The following GALNT13 variants were observed in gnomAD, a reference collection of about 807,000 sequenced individuals.
GALNT13 encodes the protein polypeptide N-acetylgalactosaminyltransferase 13, also known as UDP-GalNAc:polypeptide N-acetylgalactosaminyltransferase 13.
GALNT13 carries 28 observed loss-of-function variants against 64.2 expected under a neutral mutation model. The ratio of observed to expected loss-of-function variants is 0.44; its 90% CI spans 0.32 to 0.60. The LOEUF (loss-of-function observed/expected upper bound fraction) is 0.60, where lower values mean the gene tolerates loss of function less well. Among genes scored for constraint, GALNT13 ranks in the 20% least tolerant of loss-of-function variants. GALNT13 has a pLI of 0.05. For missense variants in GALNT13, 577 were observed against 669.8 expected, an observed-to-expected ratio of 0.86 and a Z score of 1.53; for synonymous variants, 214 against 224.6, an observed-to-expected ratio of 0.95 and a Z score of 0.42.
chr2:153,360,020 G>T, the GALNT13 span, among the ~76,000 whole-genome samples: 1 of 152,216 alleles, frequency 6.6e-6, no homozygotes, highest in Non-Finnish European at 1.5e-5. Flanking sequence ...TCAGCTAGAA[G>T]CAGCAGTGAT....
intron 1 of GALNT13, among the ~76,000 whole-genome samples, chr2:153,876,232 C>CACACACACACAT (rs1166052542): frequency 6.6e-6 from 1 of 151,742 alleles, no homozygotes; most frequent in African/African-American, 2.4e-5. Context: ...CACACACACA[C>CACACACACACAT]ACATACACAC....
the GALNT13 span, among the ~76,000 whole-genome samples, chr2:153,742,479 A>G: frequency 6.6e-6 from 1 of 152,270 alleles, no homozygotes; most frequent in African/African-American, 2.4e-5. Context: ...CAATGCATAT[A>G]CATAGAATGG....
At chr2:153,758,848 T>A in the GALNT13 span, among the ~76,000 whole-genome samples, 1 of 152,194 alleles carries the variant, frequency 6.6e-6, no homozygotes, top group African/African-American at 2.4e-5. Context: ...CATGTCAGCT[T>A]CCCAAAGTGC....
the GALNT13 span, among the ~76,000 whole-genome samples, chr2:153,631,873 G>C: frequency 6.6e-6 from 1 of 152,128 alleles, no homozygotes; most frequent in Non-Finnish European, 1.5e-5. Context: ...TAAATATGAA[G>C]TCCTTGCCCA....
the GALNT13 span, among the ~76,000 whole-genome samples, chr2:153,240,314 C>A: frequency 3.3e-4 from 50 of 152,196 alleles, no homozygotes; most frequent in African/African-American, 1.2e-3. Flanking sequence ...TCTCACATGG[C>A]TGGCTCTGTG....
chr2:153,307,690 A>C, the GALNT13 span, among the ~76,000 whole-genome samples: 1 of 152,138 alleles, frequency 6.6e-6, no homozygotes, highest in African/African-American at 2.4e-5. Flanking sequence ...TGACAAAAGT[A>C]ATTAAAAAAT....
At chr2:153,684,081 T>C in the GALNT13 span, among the ~76,000 whole-genome samples, 2 of 151,132 alleles carry the variant, frequency 1.3e-5, no homozygotes, top group African/African-American at 2.4e-5. Flanking sequence ...TATATATATA[T>C]ATATATATAT....
intron 3 of GALNT13, among the ~76,000 whole-genome samples, chr2:154,072,062 T>C (rs1700765114): frequency 6.6e-6 from 1 of 152,144 alleles, no homozygotes; most frequent in South Asian, 2.1e-4. Context: ...CTGAGCTGTA[T>C]ATGAAGTTGC....
At chr2:153,332,958 A>G in the GALNT13 span, among the ~76,000 whole-genome samples, 2 of 152,322 alleles carry the variant, frequency 1.3e-5, no homozygotes, top group African/African-American at 4.8e-5. Flanking sequence ...CACTGCAGCT[A>G]TAGCAGTTGT....
chr2:153,977,862 A>T (rs1037261021), intron 3 of GALNT13, among the ~76,000 whole-genome samples: 1 of 152,112 alleles, frequency 6.6e-6, no homozygotes, highest in African/African-American at 2.4e-5. Flanking sequence ...TCTTCTCAAG[A>T]CTATACTCAT....
the GALNT13 span, among the ~76,000 whole-genome samples, chr2:153,410,656 A>G: frequency 1.3e-5 from 2 of 152,174 alleles, no homozygotes; most frequent in Admixed American, 1.3e-4. Context: ...TTGTTAAAAA[A>G]GTTTTTCTAA....
chr2:153,334,920 C>T, the GALNT13 span, among the ~76,000 whole-genome samples: 8 of 152,202 alleles, frequency 5.3e-5, no homozygotes, highest in African/African-American at 1.9e-4. Context: ...ATTGTATCTC[C>T]CAGAATTCTG....
At position 154,451,280 on chromosome 2, in the gene GALNT13, A is replaced by G. The variant is rs1701861865; in HGVS notation, c.*729A>G. ...GTGAGAGAACTCAAAGTGGGTTGCAATCATTCCTAACACAGGCTGAAACTA... is the reference window on the plus strand; with the variant it reads ...GTGAGAGAACTCAAAGTGGGTTGCAGTCATTCCTAACACAGGCTGAAACTA... On this transcript the variant is annotated 3_prime_UTR_variant, in exon 13 of 13. Transcript: ENST00000392825. 1.3e-5 allele frequency: 2 copies of G among 152,108 alleles called. No individual in the cohort carries two copies. Among genetic ancestry groups the G allele is most frequent in the African/African-American group, 4.8e-5 (2 of 41,436 alleles). The allele number at this position is 152,108 out of a possible 1,614,324, so 9.4% of individuals were successfully genotyped here.
the GALNT13 span, among the ~76,000 whole-genome samples, chr2:153,797,367 C>A: frequency 2.0e-5 from 3 of 152,184 alleles, no homozygotes; most frequent in Admixed American, 6.5e-5. Context: ...TCTTAGTCTT[C>A]TTTAAGGTGT....
intron 4 of GALNT13, among the ~76,000 whole-genome samples, chr2:154,229,278 C>G (rs1428799632): frequency 6.6e-6 from 1 of 152,032 alleles, no homozygotes; most frequent in Non-Finnish European, 1.5e-5. Context: ...CTACATCTTT[C>G]TTCAAGATTG....
At chr2:153,461,050 G>C in the GALNT13 span, among the ~76,000 whole-genome samples, 1 of 152,066 alleles carries the variant, frequency 6.6e-6, no homozygotes, top group Non-Finnish European at 1.5e-5. Flanking sequence ...GCAATATTTA[G>C]TAATATTTAA....
At chr2:153,094,796 C>T in the GALNT13 span, among the ~76,000 whole-genome samples, 2 of 152,068 alleles carry the variant, frequency 1.3e-5, no homozygotes, top group South Asian at 4.2e-4. Flanking sequence ...GAAAGGATTC[C>T]CTATTTAATA....
intron 4 of GALNT13, among the ~76,000 whole-genome samples, chr2:154,199,631 G>A (rs1050321226): frequency 1.4e-4 from 22 of 152,104 alleles, no homozygotes; most frequent in Non-Finnish European, 7.4e-5. Flanking sequence ...TCTCAGTGGA[G>A]TAATTATTGC....
the GALNT13 span, among the ~76,000 whole-genome samples, chr2:153,476,144 G>C: frequency 6.6e-6 from 1 of 152,046 alleles, no homozygotes; most frequent in Non-Finnish European, 1.5e-5. Context: ...ATATCCATTA[G>C]AATTCAAAAA....
Sources: allele counts gnomAD v4.1 joint callset (sites outside exome capture counted in the v4.1 genomes callset), GRCh38; gene constraint gnomAD v4.1.1; transcripts MANE v1.5; gene names NCBI Gene and HGNC (gene_info 2026-07-23, HGNC 2026-07-21).